The following ZC3H12D variants were observed in gnomAD, a reference collection of about 807,000 sequenced individuals.
ZC3H12D encodes zinc finger CCCH-type containing 12D.
A neutral mutation model predicts 24.2 loss-of-function variants in ZC3H12D; 11 were observed. The ratio of observed to expected loss-of-function variants is 0.46; its 90% confidence interval spans 0.29 to 0.75. The LOEUF (loss-of-function observed/expected upper bound fraction) is 0.75. Among genes scored for constraint, ZC3H12D ranks in the 30% least tolerant of loss-of-function variants. ZC3H12D has a pLI of 0.11. For synonymous variants in ZC3H12D, 333 were observed against 341.8 expected (o/e 0.97, Z 0.28); for missense variants, 740 against 767.7 (o/e 0.96, Z 0.43).
At position 149,452,127 on chromosome 6, in the gene ZC3H12D, T is replaced by G. The variant is rs1396082541; in HGVS notation, c.787+489A>C. 1 of 155,162 alleles carries G rather than the reference T, an allele frequency of 6.4e-6. No individual in the cohort carries two copies. The highest frequency in any genetic ancestry group is 2.4e-5 in the African/African-American group (1 of 41,574). 9.6% of individuals were successfully genotyped at this position (155,162 alleles called of 1,614,324 possible). A position where few individuals can be genotyped will look rare whatever the true frequency, so the allele number is the denominator to read the frequency against. ...ACTGTCACCCAAGTCTTTACTGAAC[T>G]TGGAAACATCAAATAACTTGACGAA... On this transcript the variant is annotated intron_variant, in intron 5 of 5. Transcript: ENST00000409806. This position sits in a 1 kb window ranked among gnomAD's most constrained non-coding sequence, Gnocchi z 4.0.
At chr6:149,479,760 A>C (rs1468711304) in intron 1 of ZC3H12D, among the ~76,000 whole-genome samples, 1 of 151,850 alleles carries the variant, frequency 6.6e-6, no homozygotes, top group Non-Finnish European at 1.5e-5. Flanking sequence ...CTGGACTTGA[A>C]CTCCTGGGCT....
At position 149,474,322 on chromosome 6, in the gene ZC3H12D, C is replaced by T. The variant is rs780127502; in HGVS notation, c.222G>A (p.Pro74=). 27 of 1,593,334 alleles carry T rather than the reference C, an allele frequency of 1.7e-5. No individual in the cohort carries two copies. Among genetic ancestry groups the T allele is most frequent in the East Asian group, 4.5e-5 (2 of 44,340 alleles). Residue 74 remains proline (P), a synonymous_variant, in exon 2 of 6, where the codon CCG becomes CCA. Coordinates refer to ENST00000409806, the MANE Select transcript of ZC3H12D (RefSeq NM_207360.3). The part of the protein sequence containing the change: ...CGVPDSAQRG[P]GTALEEDFRT... ...TGAAGTCCTCTTCCAGGGCTGTCCC[C>T]GGGCCACGCTGGGCAGAGTCCGGGA...
rs61206923 is a variant in ZC3H12D, at chr6:149,449,925, C to CTGCGCG, written c.*757_*758insCGCGCA. 3.5e-5 allele frequency: 5 copies of CTGCGCG among 143,990 alleles called. No individual in the cohort carries two copies. Among genetic ancestry groups the CTGCGCG allele is most frequent in the African/African-American group, 1.3e-4 (5 of 38,244 alleles). 8.9% of individuals were successfully genotyped at this position (143,990 alleles called of 1,614,324 possible). On this transcript the variant is annotated 3_prime_UTR_variant, in exon 6 of 6. Transcript: ENST00000409806. The stretch of plus-strand genomic sequence containing the variant: ...TGTGAGTATGTACATGTATGATAGA[C>CTGCGCG]TGTGTGTGTGTGTGTGTGTGTGTGT...
At chr6:149,478,517 T>C (rs1345615616) in intron 1 of ZC3H12D, among the ~76,000 whole-genome samples, 1 of 152,198 alleles carries the variant, frequency 6.6e-6, no homozygotes, top group East Asian at 1.9e-4. Flanking sequence ...TCATTTCTAA[T>C]AAAGTACATA....
Position 149,456,614 on chromosome 6 carries a change from C to CCG in ZC3H12D, c.680+51_680+52insCG. ...GCAGGCGTGGCCACTGCCTCGACCC[C>CCG]GGCCCCCCGCCCCGCCGCCCCCCAG... On this transcript the variant is annotated intron_variant, in intron 4 of 5. Coordinates refer to ENST00000409806, the MANE Select transcript of ZC3H12D (RefSeq NM_207360.3). The surrounding 1 kb of genome is among the most constrained non-coding windows in gnomAD (Gnocchi z 4.3). The CCG allele has an allele frequency of 2.5e-6, 3 of 1,190,778 alleles. No homozygotes were observed. Among genetic ancestry groups the CCG allele is most frequent in the Non-Finnish European group, 3.7e-6 (3 of 819,416 alleles). 73.8% of individuals were successfully genotyped at this position (1,190,778 alleles called of 1,614,324 possible). A position where few individuals can be genotyped will look rare whatever the true frequency, so the allele number is the denominator to read the frequency against.
At chr6:149,459,652 A>G in intron 3 of ZC3H12D, 1 of 717,916 alleles carries the variant, frequency 1.4e-6, no homozygotes, top group South Asian at 1.5e-5. Flanking sequence ...AGGAGAATGG[A>G]CCTCCACTCA....
At position 149,456,623 on chromosome 6, in the gene ZC3H12D, G is replaced by GGGGTGAGGGCC; in HGVS notation, c.680+42_680+43insGGCCCTCACCC. On this transcript the variant is annotated intron_variant, in intron 4 of 5. Coordinates refer to ENST00000409806, the MANE Select transcript of ZC3H12D (RefSeq NM_207360.3). The surrounding 1 kb of genome is among the most constrained non-coding windows in gnomAD (Gnocchi z 4.3). ...GCCACTGCCTCGACCCCGGCCCCCC[G>GGGGTGAGGGCC]CCCCGCCGCCCCCCAGGGTGTCAGG... The GGGGTGAGGGCC allele has an allele frequency of 4.0e-6, 3 of 744,572 alleles. No individual in the cohort carries two copies. The highest frequency in any genetic ancestry group is 6.6e-6 in the Non-Finnish European group (3 of 456,096). 46.1% of individuals were successfully genotyped at this position (744,572 alleles called of 1,614,324 possible). A position where few individuals can be genotyped will look rare whatever the true frequency, so the allele number is the denominator to read the frequency against.
intron 2 of ZC3H12D, among the ~76,000 whole-genome samples, chr6:149,473,334 T>C (rs537335110): frequency 6.6e-5 from 10 of 152,286 alleles, no homozygotes; most frequent in Non-Finnish European, 1.3e-4. Context: ...GATTCCCACC[T>C]ATGGTGGGAG....
At chr6:149,467,161 G>A (rs952742298) in intron 2 of ZC3H12D, among the ~76,000 whole-genome samples, 1 of 152,114 alleles carries the variant, frequency 6.6e-6, no homozygotes, top group Non-Finnish European at 1.5e-5. Context: ...TCATCTGCAC[G>A]TTCCTTCACA....
intron 2 of ZC3H12D, among the ~76,000 whole-genome samples, chr6:149,469,326 C>T (rs1433869220): frequency 6.6e-6 from 1 of 152,076 alleles, no homozygotes; most frequent in Non-Finnish European, 1.5e-5. Flanking sequence ...GACGTGGTGG[C>T]GGGCACCTGT....
intron 1 of ZC3H12D, among the ~76,000 whole-genome samples, chr6:149,475,883 C>T (rs969614131): frequency 6.6e-6 from 1 of 152,074 alleles, no homozygotes; most frequent in African/African-American, 2.4e-5. Context: ...AGCCTTGGTC[C>T]CTCTCTCTTT....
chr6:149,454,948 A>G (rs1775956236), intron 4 of ZC3H12D, among the ~76,000 whole-genome samples: 1 of 152,250 alleles, frequency 6.6e-6, no homozygotes, highest in African/African-American at 2.4e-5. Context: ...TGGGGACCAC[A>G]GTACCCCCTG....
chr6:149,479,767 G>A (rs539537305), intron 1 of ZC3H12D, among the ~76,000 whole-genome samples: 2 of 152,090 alleles, frequency 1.3e-5, no homozygotes, highest in Admixed American at 1.3e-4. Flanking sequence ...TGAACTCCTG[G>A]GCTCAAGTGA....
At chr6:149,459,868 CA>C (rs1384354381) in intron 3 of ZC3H12D, among the ~76,000 whole-genome samples, 1 of 152,176 alleles carries the variant, frequency 6.6e-6, no homozygotes, top group Non-Finnish European at 1.5e-5. Context: ...TCCACACTGC[CA>C]TTCAGGGAGA....
intron 4 of ZC3H12D, among the ~76,000 whole-genome samples, chr6:149,453,096 A>G (rs372238): frequency 0.62 from 91,473 of 148,420 alleles, 30,198 homozygotes; most frequent in East Asian, 0.86. Context: ...ACCAGCCTGG[A>G]CAACATAGTG....
chr6:149,470,396 G>A (rs1428502921), intron 2 of ZC3H12D, among the ~76,000 whole-genome samples: 1 of 151,920 alleles, frequency 6.6e-6, no homozygotes, highest in Non-Finnish European at 1.5e-5. Context: ...TTAGCCAGGT[G>A]TAGTGGCAGG....
At position 149,461,860 on chromosome 6, in the gene ZC3H12D, T is replaced by C; in HGVS notation, c.416A>G (p.Asp139Gly). The C allele has an allele frequency of 6.4e-7, 1 of 1,572,812 alleles. No homozygotes were observed. The highest frequency in any genetic ancestry group is 1.2e-5 in the South Asian group (1 of 85,338). Residue 139 changes from aspartate to glycine, a missense_variant, in exon 3 of 6, where the codon GAC becomes GGC. By Grantham distance (94) the Asp-to-Gly change is moderately conservative. Transcript: ENST00000409806. The stretch of plus-strand genomic sequence containing the variant: ...GATAGGGGTGTCAGCTCTTGGTGGG[T>C]CCTTCCTCCAGGATGGAACAAAAAC... ...IKVFVPSWRK[D>G]PPRADTPIRE...
rs1776474545 is a variant in ZC3H12D at position 149,484,808 on chromosome 6, C to T, written c.-71+5G>A. 6.6e-6 allele frequency: 1 copy of T among 152,216 alleles called. No individual in the cohort carries two copies. The highest frequency in any genetic ancestry group is 2.4e-5 in the African/African-American group (1 of 41,436). The allele number at this position is 152,216 out of a possible 1,614,324, so 9.4% of individuals were successfully genotyped here. Reference sequence around the variant, plus strand: ...CTGACTGACAGCCAGGGGACATGCACTCACCAGCAGGGTGTGTCCCTCCGG... The same window carrying T: ...CTGACTGACAGCCAGGGGACATGCATTCACCAGCAGGGTGTGTCCCTCCGG... On this transcript the variant is annotated splice_donor_5th_base_variant and intron_variant, in intron 1 of 5. Coordinates refer to ENST00000409806, the MANE Select transcript of ZC3H12D (RefSeq NM_207360.3).
At chr6:149,464,141 A>G (rs1187856320) in intron 2 of ZC3H12D, among the ~76,000 whole-genome samples, 1 of 152,180 alleles carries the variant, frequency 6.6e-6, no homozygotes, top group Non-Finnish European at 1.5e-5. Flanking sequence ...GAACTCTGCG[A>G]CTTCGCAGCT....
Sources: gnomAD v4.1 joint callset for allele counts (sites outside exome capture counted in the v4.1 genomes callset) on GRCh38, gnomAD v4.1.1 for gene constraint, Gnocchi (gnomAD v3.1) non-coding constraint, MANE v1.5 for transcripts, NCBI Gene and HGNC (gene_info 2026-07-23, HGNC 2026-07-21) for gene names.